The following SHISA9 variants were observed in gnomAD, a reference collection of about 807,000 sequenced individuals.
The protein encoded by SHISA9 is shisa family member 9.
A neutral mutation model predicts 38.0 loss-of-function variants in SHISA9; 13 were observed. That is an observed-to-expected ratio of 0.34 (90% CI 0.22 to 0.54). The LOEUF is 0.54. SHISA9 is among the 20% of genes least tolerant of loss of function. The pLI, the probability that SHISA9 is intolerant of heterozygous loss-of-function variation, is 0.91. For missense variants in SHISA9, 538 were observed against 575.8 expected, an observed-to-expected ratio of 0.93 and a Z score of 0.67; for synonymous variants, 275 against 242.0, an observed-to-expected ratio of 1.14 and a Z score of -1.27.
At chr16:13,166,035 A>G (rs979646232) in intron 2 of SHISA9, among the ~76,000 whole-genome samples, 1 of 152,140 alleles carries the variant, frequency 6.6e-6, no homozygotes, top group African/African-American at 2.4e-5. Context: ...TCATAGTAAT[A>G]GTTATTATTT....
At chr16:13,085,550 A>C (rs996459194) in intron 2 of SHISA9, among the ~76,000 whole-genome samples, 2 of 152,238 alleles carry the variant, frequency 1.3e-5, no homozygotes, top group Admixed American at 1.3e-4. Context: ...ACATATCCAA[A>C]GAAGCTATAA....
the SHISA9 span, among the ~76,000 whole-genome samples, chr16:13,420,331 G>A: frequency 6.7e-6 from 1 of 149,392 alleles, no homozygotes; most frequent in African/African-American, 2.5e-5. Flanking sequence ...TGCTGTGCCA[G>A]TCAAGTGAAA....
chr16:12,936,806 A>C (rs1465882856), intron 2 of SHISA9, among the ~76,000 whole-genome samples: 1 of 152,096 alleles, frequency 6.6e-6, no homozygotes, highest in Non-Finnish European at 1.5e-5. Context: ...TTATTTTGTA[A>C]AACCCCTACT....
At chr16:12,903,937 T>G (rs1272430997) in intron 1 of SHISA9, among the ~76,000 whole-genome samples, 1 of 150,166 alleles carries the variant, frequency 6.7e-6, no homozygotes, top group African/African-American at 2.4e-5. Context: ...GAGTATCCGA[T>G]GAGATTTTTT....
intron 2 of SHISA9, among the ~76,000 whole-genome samples, chr16:12,952,114 T>G (rs1350570314): frequency 6.6e-6 from 1 of 152,194 alleles, no homozygotes; most frequent in East Asian, 1.9e-4. Context: ...AAACATGGAA[T>G]TTTTCAATTG....
chr16:13,346,406 C>T, the SHISA9 span, among the ~76,000 whole-genome samples: 223 of 152,312 alleles, frequency 1.5e-3, no homozygotes, highest in Middle Eastern at 6.8e-3. Context: ...CTAGGCCAGA[C>T]TTGGTCGTCT....
At chr16:13,490,490 G>A in the SHISA9 span, among the ~76,000 whole-genome samples, 2 of 152,294 alleles carry the variant, frequency 1.3e-5, no homozygotes, top group African/African-American at 4.8e-5. Flanking sequence ...ACTTGAGCCC[G>A]TGAGGTCAAG....
At chr16:13,205,293 T>G (rs1462987118) in intron 3 of SHISA9, among the ~76,000 whole-genome samples, 2 of 152,248 alleles carry the variant, frequency 1.3e-5, no homozygotes, top group Non-Finnish European at 2.9e-5. Flanking sequence ...CAAATCCTAT[T>G]TCAAATGCTT....
intron 2 of SHISA9, among the ~76,000 whole-genome samples, chr16:13,033,190 A>T (rs1263919272): frequency 2.0e-5 from 3 of 152,162 alleles, no homozygotes; most frequent in Non-Finnish European, 4.4e-5. Context: ...TGAAATCATC[A>T]TGCAGTGCCC....
At chr16:13,120,743 A>G (rs532012903) in intron 2 of SHISA9, among the ~76,000 whole-genome samples, 1 of 152,334 alleles carries the variant, frequency 6.6e-6, no homozygotes, top group Non-Finnish European at 1.5e-5. Context: ...GTAGAGGGGC[A>G]GGGCTGATTA....
chr16:13,306,619 CT>C, the SHISA9 span, among the ~76,000 whole-genome samples: 1 of 152,186 alleles, frequency 6.6e-6, no homozygotes, highest in Non-Finnish European at 1.5e-5. Context: ...GGAGGATCCA[CT>C]TCCAAGATGA....
At chr16:13,305,370 G>T in the SHISA9 span, among the ~76,000 whole-genome samples, 1 of 152,182 alleles carries the variant, frequency 6.6e-6, no homozygotes, top group Non-Finnish European at 1.5e-5. Context: ...GTGACTCCAG[G>T]TATTCAGGCC....
At chr16:13,432,080 A>C in the SHISA9 span, among the ~76,000 whole-genome samples, 1 of 152,208 alleles carries the variant, frequency 6.6e-6, no homozygotes, top group Non-Finnish European at 1.5e-5. Flanking sequence ...AAAAAAGCTT[A>C]AATAACAAAA....
chr16:13,223,432 T>C (rs911194143), intron 4 of SHISA9, among the ~76,000 whole-genome samples: 1 of 152,060 alleles, frequency 6.6e-6, no homozygotes, highest in African/African-American at 2.4e-5. Flanking sequence ...TGTGCATATT[T>C]CCAAACTTTG....
the SHISA9 span, among the ~76,000 whole-genome samples, chr16:13,301,615 A>T: frequency 3.3e-5 from 5 of 152,338 alleles, no homozygotes; most frequent in African/African-American, 1.2e-4. Flanking sequence ...TATAGATAAT[A>T]TTGCTTGAGA....
At chr16:13,075,941 A>G (rs569086784) in intron 2 of SHISA9, among the ~76,000 whole-genome samples, 13 of 152,104 alleles carry the variant, frequency 8.5e-5, no homozygotes, top group African/African-American at 2.9e-4. Context: ...TGCCGGTAGC[A>G]CACCCCAGCT....
chr16:13,172,741 ATTTTTT>A (rs35564627), intron 2 of SHISA9, among the ~76,000 whole-genome samples: 1 of 128,898 alleles, frequency 7.8e-6, no homozygotes, highest in African/African-American at 2.9e-5. Flanking sequence ...TATCTTGATG[ATTTTTT>A]TTTTTTTTTT....
rs564598631 is a variant in SHISA9 at position 13,172,225 on chromosome 16, A to G, written c.692-31169A>G. On this transcript the variant is annotated intron_variant, in intron 2 of 4. Coordinates refer to ENST00000558583, the MANE Select transcript of SHISA9 (RefSeq NM_001145204.3). ...AATCAGTTGGTTATCAAATCAGTCA[A>G]TCAGTGAGTATTAAATGGGCACTAA... Among the ~76,000 whole-genome samples the G allele has an allele frequency of 2.6e-5, 4 of 152,332 alleles. No individual in the cohort carries two copies. The South Asian group carries it at 8.3e-4, about 32-fold the overall frequency.
At chr16:13,223,750 C>T (rs543442693) in intron 4 of SHISA9, among the ~76,000 whole-genome samples, 6 of 152,258 alleles carry the variant, frequency 3.9e-5, no homozygotes, top group East Asian at 1.9e-4. Context: ...TGGAAGGCCA[C>T]GGAAGAGCAA....
Sources: allele counts gnomAD v4.1 joint callset (sites outside exome capture counted in the v4.1 genomes callset), GRCh38; gene constraint gnomAD v4.1.1; transcripts MANE v1.5; gene names NCBI Gene and HGNC (gene_info 2026-07-23, HGNC 2026-07-21).